The following SLC35F1 variants were observed in gnomAD, a reference collection of about 807,000 sequenced individuals.
SLC35F1 encodes the protein solute carrier family 35 member F1.
Under a neutral mutation model 48.7 loss-of-function variants are expected in SLC35F1, and 14 were observed. That is an observed-to-expected ratio of 0.29 (90% CI 0.19 to 0.45). The LOEUF is 0.45. Among genes scored for constraint, SLC35F1 ranks in the 20% least tolerant of loss-of-function variants. The pLI is 1.00. For synonymous variants in SLC35F1, 190 were observed against 202.2 expected (o/e 0.94, Z 0.51); for missense variants, 404 against 500.0 (o/e 0.81, Z 1.83).
rs144984889 is a variant in SLC35F1, at chr6:118,195,191, C to T, written c.350-40318C>T. On this transcript the variant is annotated intron_variant, in intron 2 of 7. Coordinates refer to ENST00000360388, the MANE Select transcript of SLC35F1 (RefSeq NM_001029858.4). The stretch of plus-strand genomic sequence containing the variant: ...TATCCTTTACTCAGGTAAAATGTAC[C>T]CCCATTACTTATCCAAAGTCAGCCA... Among the ~76,000 whole-genome samples, 108 of 152,184 alleles carry T rather than the reference C, an allele frequency of 7.1e-4. 1 individual carries two copies. The East Asian group carries it at 0.02, about 29-fold the overall frequency.
At chr6:118,048,716 A>T (rs921239017) in intron 1 of SLC35F1, among the ~76,000 whole-genome samples, 2 of 152,170 alleles carry the variant, frequency 1.3e-5, no homozygotes, top group Non-Finnish European at 2.9e-5. Flanking sequence ...ATAAAAGAGG[A>T]TACAAACAAA....
In SLC35F1 at chr6:118,165,801, G is replaced by A. The variant is rs113318321; in HGVS notation, c.349+11181G>A. Reference sequence around the variant, plus strand: ...TAACTTCCAGCAAGGAATCAGGTTTGGGCACAGGAGCCATAGATACTTTGG... The same window carrying A: ...TAACTTCCAGCAAGGAATCAGGTTTAGGCACAGGAGCCATAGATACTTTGG... On this transcript the variant is annotated intron_variant, in intron 2 of 7. Coordinates refer to ENST00000360388, the MANE Select transcript of SLC35F1 (RefSeq NM_001029858.4). Among the ~76,000 whole-genome samples, 174 of 152,310 alleles carry A rather than the reference G, an allele frequency of 1.1e-3. 1 individual carries two copies. Among genetic ancestry groups the A allele is most frequent in the African/African-American group, 3.9e-3 (164 of 41,568 alleles).
intron 7 of SLC35F1, among the ~76,000 whole-genome samples, chr6:118,303,670 G>A (rs977447843): frequency 6.6e-6 from 1 of 152,216 alleles, no homozygotes; most frequent in African/African-American, 2.4e-5. Context: ...GGAAGCAGTA[G>A]ACTACAGCTT....
intron 1 of SLC35F1, among the ~76,000 whole-genome samples, chr6:118,118,909 G>C (rs1562295396): frequency 6.7e-6 from 1 of 148,486 alleles, no homozygotes; most frequent in Non-Finnish European, 1.5e-5. Context: ...TCTAGGGATA[G>C]AGATGCTTTA....
At chr6:118,118,710 T>C (rs1236361536) in intron 1 of SLC35F1, among the ~76,000 whole-genome samples, 1 of 152,194 alleles carries the variant, frequency 6.6e-6, no homozygotes, top group Non-Finnish European at 1.5e-5. Flanking sequence ...CATTTTCATA[T>C]GTGGTGAAAC....
intron 1 of SLC35F1, among the ~76,000 whole-genome samples, chr6:118,088,022 T>C (rs944980052): frequency 6.6e-6 from 1 of 152,350 alleles, no homozygotes; most frequent in East Asian, 1.9e-4. Flanking sequence ...TTGCATTTTA[T>C]AGTTACACAT....
chr6:117,947,263 A>G (rs1173874497), intron 1 of SLC35F1, among the ~76,000 whole-genome samples: 1 of 152,178 alleles, frequency 6.6e-6, no homozygotes, highest in African/African-American at 2.4e-5. Flanking sequence ...GCCTGAGCCC[A>G]GAGGTGTCTT....
chr6:118,310,376 G>C (rs918566486), intron 7 of SLC35F1, among the ~76,000 whole-genome samples: 23 of 152,130 alleles, frequency 1.5e-4, no homozygotes, highest in Admixed American at 1.4e-3. Context: ...CAATACTTTT[G>C]TCTGGTTGAT....
chr6:118,235,210 A>G (rs1443659319), intron 2 of SLC35F1, among the ~76,000 whole-genome samples: 2 of 152,142 alleles, frequency 1.3e-5, no homozygotes, highest in Non-Finnish European at 2.9e-5. Context: ...TCATTTTCAT[A>G]TGATGTAATT....
At chr6:118,093,865 G>A (rs1773112287) in intron 1 of SLC35F1, among the ~76,000 whole-genome samples, 1 of 152,208 alleles carries the variant, frequency 6.6e-6, no homozygotes, top group Non-Finnish European at 1.5e-5. Context: ...CTGAAAGCCA[G>A]AGGAAGGGAG....
chr6:118,169,571 C>A (rs1042131693), intron 2 of SLC35F1, among the ~76,000 whole-genome samples: 5 of 152,158 alleles, frequency 3.3e-5, no homozygotes, highest in Non-Finnish European at 7.3e-5. Flanking sequence ...CGATCCACAT[C>A]AGCCCTATCA....
chr6:118,150,948 G>T (rs1774047864), intron 1 of SLC35F1, among the ~76,000 whole-genome samples: 1 of 151,984 alleles, frequency 6.6e-6, no homozygotes, highest in South Asian at 2.1e-4. Context: ...CTGTTCTCTT[G>T]GTTTTCATGA....
At chr6:118,283,472 A>G (rs1185614458) in intron 6 of SLC35F1, among the ~76,000 whole-genome samples, 7 of 152,222 alleles carry the variant, frequency 4.6e-5, no homozygotes, top group Non-Finnish European at 4.4e-5. Flanking sequence ...AAATGAGTGA[A>G]TATACCAACA....
At position 118,275,346 on chromosome 6, in the gene SLC35F1, T is replaced by C; in HGVS notation, c.638-113T>C. Reference sequence around the variant, plus strand: ...TCTCAGTTGGAAATTGCATGACTTCTATAAAAATGTCAAAATAGAATAGGC... The same window carrying C: ...TCTCAGTTGGAAATTGCATGACTTCCATAAAAATGTCAAAATAGAATAGGC... On this transcript the variant is annotated intron_variant, in intron 4 of 7. Coordinates refer to ENST00000360388, the MANE Select transcript of SLC35F1 (RefSeq NM_001029858.4). 4 of 1,137,180 alleles carry C rather than the reference T, an allele frequency of 3.5e-6. 1 individual carries two copies. The South Asian group carries it at 6.7e-5, about 19-fold the overall frequency. The allele number at this position is 1,137,180 out of a possible 1,614,324, so 70.4% of individuals were successfully genotyped here. A position where few individuals can be genotyped will look rare whatever the true frequency, so the allele number is the denominator to read the frequency against.
chr6:118,259,349 G>A (rs1326049465), intron 3 of SLC35F1, among the ~76,000 whole-genome samples: 2 of 151,874 alleles, frequency 1.3e-5, no homozygotes, highest in South Asian at 4.1e-4. Flanking sequence ...TTTTAAAAGT[G>A]TATACTCTTT....
chr6:117,964,272 C>G (rs1164804656), intron 1 of SLC35F1, among the ~76,000 whole-genome samples: 1 of 152,154 alleles, frequency 6.6e-6, no homozygotes, highest in Non-Finnish European at 1.5e-5. Context: ...TTCTCTTTGC[C>G]CAGCCTTCAC....
intron 2 of SLC35F1, among the ~76,000 whole-genome samples, chr6:118,227,591 G>T (rs561102022): frequency 6.6e-6 from 1 of 152,236 alleles, no homozygotes; most frequent in African/African-American, 2.4e-5. Flanking sequence ...CATTGTATTT[G>T]CTTTTAGATA....
intron 1 of SLC35F1, among the ~76,000 whole-genome samples, chr6:118,087,900 G>A (rs1015209303): frequency 6.6e-6 from 1 of 152,100 alleles, no homozygotes. Context: ...ATCTTTAATT[G>A]CCCTAAAGCA....
chr6:118,116,113 A>C (rs1450095004), intron 1 of SLC35F1, among the ~76,000 whole-genome samples: 1 of 152,170 alleles, frequency 6.6e-6, no homozygotes, highest in Non-Finnish European at 1.5e-5. Context: ...GTCCTTTTGT[A>C]TAGTGCCCCC....
Sources: gnomAD v4.1 joint callset for allele counts (sites outside exome capture counted in the v4.1 genomes callset) on GRCh38, gnomAD v4.1.1 for gene constraint, MANE v1.5 for transcripts, NCBI Gene and HGNC (gene_info 2026-07-23, HGNC 2026-07-21) for gene names.